PDZRN4: variants seen among roughly 807,000 people sequenced by gnomAD.
PDZRN4 encodes the protein PDZ domain containing ring finger 4.
In PDZRN4, 70 loss-of-function variants were observed where a neutral mutation model predicts 99.0. The ratio of observed to expected loss-of-function variants is 0.71; its 90% CI spans 0.58 to 0.86. The LOEUF (loss-of-function observed/expected upper bound fraction) is 0.86. Among genes scored for constraint, PDZRN4 ranks in the 40% least tolerant of loss-of-function variants. The pLI is 0.00. For missense variants in PDZRN4, 1,474 were observed against 1,331.2 expected, an observed-to-expected ratio of 1.11 and a Z score of -1.67; for synonymous variants, 551 against 501.6, an observed-to-expected ratio of 1.10 and a Z score of -1.32.
At chr12:41,390,381 G>C (rs1952201646) in intron 3 of PDZRN4, among the ~76,000 whole-genome samples, 1 of 151,696 alleles carries the variant, frequency 6.6e-6, no homozygotes, top group Non-Finnish European at 1.5e-5. Flanking sequence ...AAGTTGATTG[G>C]GCTGCTCATT....
chr12:41,571,233 G>A (rs1331041072), intron 9 of PDZRN4, among the ~76,000 whole-genome samples: 1 of 151,838 alleles, frequency 6.6e-6, no homozygotes, highest in Non-Finnish European at 1.5e-5. Context: ...GACTGATAGA[G>A]GTGAAAGTAA....
At chr12:41,391,196 G>A (rs1952209109) in intron 3 of PDZRN4, among the ~76,000 whole-genome samples, 1 of 152,158 alleles carries the variant, frequency 6.6e-6, no homozygotes, top group Non-Finnish European at 1.5e-5. Context: ...GTGCCCCCCT[G>A]AAGAAGGTTA....
chr12:41,471,255 T>G (rs1952987267), intron 3 of PDZRN4, among the ~76,000 whole-genome samples: 1 of 152,232 alleles, frequency 6.6e-6, no homozygotes, highest in Admixed American at 6.5e-5. Context: ...TCATGTTCTT[T>G]TTCTTCTCAC....
At position 41,199,332 on chromosome 12, in the gene PDZRN4, G is replaced by C. The variant is rs368381529; in HGVS notation, c.843+5144G>C. On this transcript the variant is annotated intron_variant, in intron 3 of 9. Transcript: ENST00000402685. Reference sequence around the variant, plus strand: ...TACCATCTTACACCAGTCAGAAAATGGTTATTAATAAAAGTCAAAAAACAA... The same window carrying C: ...TACCATCTTACACCAGTCAGAAAATCGTTATTAATAAAAGTCAAAAAACAA... Among the ~76,000 whole-genome samples, 5 of 151,954 alleles carry C rather than the reference G, an allele frequency of 3.3e-5. No homozygotes were observed. In the East Asian group the frequency reaches 5.8e-4, roughly 18 times the overall value.
chr12:41,505,324 A>G (rs540025662), intron 3 of PDZRN4, among the ~76,000 whole-genome samples: 1 of 152,242 alleles, frequency 6.6e-6, no homozygotes, highest in East Asian at 1.9e-4. Flanking sequence ...GTGCCACCAG[A>G]TAGCTCTTCA....
chr12:41,365,964 A>G (rs576924236), intron 3 of PDZRN4, among the ~76,000 whole-genome samples: 73 of 152,238 alleles, frequency 4.8e-4, no homozygotes, highest in Middle Eastern at 3.4e-3. Flanking sequence ...TGAAAGTAAT[A>G]GGCCAATGAG....
chr12:41,444,994 C>T (rs1952712009), intron 3 of PDZRN4, among the ~76,000 whole-genome samples: 1 of 151,576 alleles, frequency 6.6e-6, no homozygotes, highest in Admixed American at 6.6e-5. Flanking sequence ...AAGTGAAGAG[C>T]CCTTCCATCA....
intron 4 of PDZRN4, among the ~76,000 whole-genome samples, chr12:41,508,119 C>T (rs1351540917): frequency 6.6e-6 from 1 of 152,004 alleles, no homozygotes; most frequent in Non-Finnish European, 1.5e-5. Flanking sequence ...GGAGGGAGTA[C>T]ATTATATTAT....
chr12:41,428,611 C>T (rs553836925), intron 3 of PDZRN4, among the ~76,000 whole-genome samples: 14 of 152,134 alleles, frequency 9.2e-5, no homozygotes, highest in Non-Finnish European at 1.3e-4. Context: ...CTTTTGTGTA[C>T]ATGCACGTGT....
At position 41,367,102 on chromosome 12, in the gene PDZRN4, T is replaced by A. The variant is rs530401373; in HGVS notation, c.844-139354T>A. The stretch of plus-strand genomic sequence containing the variant: ...CAAAAATATAGACACACAAATCCCC[T>A]GATGTGCAACACCTTTGTGCCTTAC... On this transcript the variant is annotated intron_variant, in intron 3 of 9. Transcript: ENST00000402685. Among the ~76,000 whole-genome samples, 17 of 152,234 alleles carry A rather than the reference T, an allele frequency of 1.1e-4. No individual in the cohort carries two copies. The South Asian group carries it at 3.5e-3, about 32-fold the overall frequency.
chr12:41,482,151 T>A (rs1365603121), intron 3 of PDZRN4, among the ~76,000 whole-genome samples: 3 of 152,176 alleles, frequency 2.0e-5, no homozygotes, highest in Non-Finnish European at 4.4e-5. Flanking sequence ...AGACTTTTCC[T>A]CATTGTCACA....
chr12:41,415,828 C>T (rs1449030458), intron 3 of PDZRN4, among the ~76,000 whole-genome samples: 1 of 152,120 alleles, frequency 6.6e-6, no homozygotes, highest in Non-Finnish European at 1.5e-5. Context: ...ATTTTACTAT[C>T]TGCTTATTTA....
intron 3 of PDZRN4, among the ~76,000 whole-genome samples, chr12:41,401,657 T>G (rs566040508): frequency 6.6e-6 from 1 of 152,246 alleles, no homozygotes; most frequent in African/African-American, 2.4e-5. Flanking sequence ...TTATCTACCT[T>G]GTTATAATAC....
intron 5 of PDZRN4, among the ~76,000 whole-genome samples, chr12:41,522,641 G>C (rs946009160): frequency 6.6e-6 from 1 of 152,058 alleles, no homozygotes; most frequent in Non-Finnish European, 1.5e-5. Context: ...CTTTATGTCT[G>C]CCAAAAGAAA....
intron 3 of PDZRN4, among the ~76,000 whole-genome samples, chr12:41,306,294 T>C (rs1045429130): frequency 3.9e-5 from 6 of 152,202 alleles, no homozygotes; most frequent in Non-Finnish European, 7.3e-5. Context: ...GCCCCATGGC[T>C]TTGACCAGAG....
At chr12:41,572,234 C>T in intron 9 of PDZRN4, 130 bp from the exon 10 acceptor site, 1 of 692,134 alleles carries the variant, frequency 1.4e-6, no homozygotes. Flanking sequence ...TTGTGATGGA[C>T]CCTAAATTAG....
intron 3 of PDZRN4, among the ~76,000 whole-genome samples, chr12:41,389,539 CT>C (rs1344662017): frequency 6.6e-6 from 1 of 152,124 alleles, no homozygotes; most frequent in Non-Finnish European, 1.5e-5. Flanking sequence ...TTTATCTTGA[CT>C]TTAGTCTGTC....
At chr12:41,328,935 G>A (rs1464056994) in intron 3 of PDZRN4, among the ~76,000 whole-genome samples, 1 of 152,088 alleles carries the variant, frequency 6.6e-6, no homozygotes, top group Non-Finnish European at 1.5e-5. Flanking sequence ...ACTCCAGGAA[G>A]CAGCTTTCAC....
chr12:41,571,460 A>T (rs1939478600), intron 9 of PDZRN4, among the ~76,000 whole-genome samples: 1 of 150,790 alleles, frequency 6.6e-6, no homozygotes, highest in Non-Finnish European at 1.5e-5. Flanking sequence ...AAGTGTCAAA[A>T]TTTTTTTGAT....
Sources: allele counts gnomAD v4.1 joint callset (sites outside exome capture counted in the v4.1 genomes callset), GRCh38; gene constraint gnomAD v4.1.1; transcripts MANE v1.5; gene names NCBI Gene and HGNC (gene_info 2026-07-23, HGNC 2026-07-21).